The following CNTN1 variants were observed in gnomAD, a reference collection of about 807,000 sequenced individuals.
CNTN1 encodes the protein contactin 1.
Under a neutral mutation model 126.4 loss-of-function variants are expected in CNTN1, and 38 were observed. The observed-to-expected ratio is 0.30, with a 90% CI of 0.23 to 0.39. The LOEUF is 0.39. CNTN1 is among the 10% of genes least tolerant of loss of function. The pLI, the probability that CNTN1 is intolerant of heterozygous loss-of-function variation, is 1.00. For synonymous variants in CNTN1, 413 were observed against 422.6 expected (o/e 0.98, Z 0.28); for missense variants, 1,009 against 1,248.4 (o/e 0.81, Z 2.89).
chr12:41,043,745 A>C (rs2120971987), intron 23 of CNTN1, among the ~76,000 whole-genome samples: 1 of 152,004 alleles, frequency 6.6e-6, no homozygotes, highest in African/African-American at 2.4e-5. Context: ...ACTTGGAACC[A>C]ACCCAAATGT....
At chr12:40,981,129 CA>C (rs1159719064) in intron 16 of CNTN1, 62 bp downstream of exon 16, 2 of 1,566,384 alleles carry the variant, frequency 1.3e-6, no homozygotes, top group Non-Finnish European at 1.7e-6. Context: ...TTCTCAAAAA[CA>C]AAAATTTGGA....
intron 1 of CNTN1, among the ~76,000 whole-genome samples, chr12:40,727,261 G>A (rs1484268723): frequency 1.3e-5 from 2 of 151,650 alleles, no homozygotes; most frequent in Non-Finnish European, 2.9e-5. Context: ...CAAGAGAAAA[G>A]TTTAAAAGTT....
At chr12:40,984,966 A>T (rs1947918172) in intron 16 of CNTN1, among the ~76,000 whole-genome samples, 1 of 152,112 alleles carries the variant, frequency 6.6e-6, no homozygotes, top group East Asian at 1.9e-4. Context: ...TTATAATTAC[A>T]AAATTACCTT....
intron 15 of CNTN1, 129 bp downstream of exon 15, chr12:40,959,363 A>C: frequency 4.2e-6 from 4 of 961,282 alleles, no homozygotes; most frequent in Non-Finnish European, 6.4e-6. Context: ...TTAAGAATGG[A>C]TCTTAAGCTT....
At chr12:41,019,335 T>C (rs1360447051) in intron 19 of CNTN1, among the ~76,000 whole-genome samples, 2 of 152,250 alleles carry the variant, frequency 1.3e-5, no homozygotes, top group Non-Finnish European at 2.9e-5. Context: ...TTGTCATCTA[T>C]TTAGTCATGG....
chr12:40,925,626 C>CGTGTATATATATATATACACAT (rs201095423), intron 6 of CNTN1, among the ~76,000 whole-genome samples: 1 of 104,262 alleles, frequency 9.6e-6, no homozygotes, highest in African/African-American at 3.7e-5. Flanking sequence ...TATATATACA[C>CGTGTATATATATATATACACAT]ATATATATAT....
At chr12:40,923,134 T>A (rs1295744273) in intron 5 of CNTN1, among the ~76,000 whole-genome samples, 1 of 152,012 alleles carries the variant, frequency 6.6e-6, no homozygotes, top group East Asian at 1.9e-4. Flanking sequence ...AATATGACAA[T>A]ATTGTATTCC....
Position 40,790,368 on chromosome 12 carries a change from C to T in CNTN1, c.-77+97776C>T, listed in dbSNP as rs555724287. On this transcript the variant is annotated intron_variant, in intron 1 of 23. Transcript: ENST00000551295. ...CCAACTTGACCCAGTGAGCTGTTAC[C>T]ACCTTTATGATATGATCACTTCATT... Among the ~76,000 whole-genome samples, 14 of 152,190 alleles carry T rather than the reference C, an allele frequency of 9.2e-5. No individual in the cohort carries two copies. The South Asian group carries it at 2.9e-3, about 32-fold the overall frequency.
chr12:40,964,302 ATC>A (rs1300862928), intron 15 of CNTN1, among the ~76,000 whole-genome samples: 1 of 152,192 alleles, frequency 6.6e-6, no homozygotes, highest in Non-Finnish European at 1.5e-5. Context: ...CGACTTTGCT[ATC>A]TAAACTTTTT....
At chr12:40,978,463 G>A (rs1358725872) in intron 15 of CNTN1, among the ~76,000 whole-genome samples, 1 of 151,890 alleles carries the variant, frequency 6.6e-6, no homozygotes, top group Non-Finnish European at 1.5e-5. Context: ...CAAGACAATT[G>A]GAAAAATGAA....
rs575208380 is a variant in CNTN1, at chr12:40,858,114, G to A, written c.-76-50243G>A. On this transcript the variant is annotated intron_variant, in intron 1 of 23. Coordinates refer to ENST00000551295, the MANE Select transcript of CNTN1 (RefSeq NM_001843.4). ...AGTTGTTAGCAGAATTCAGTGCCTT[G>A]TAGTTACAGGACTAAGGTCCTGATT... Among the ~76,000 whole-genome samples, 11 of 152,230 alleles carry A rather than the reference G, an allele frequency of 7.2e-5. No homozygotes were observed. In the East Asian group the frequency reaches 7.7e-4, roughly 11 times the overall value.
Position 40,785,199 on chromosome 12 carries a change from C to T in CNTN1, c.-77+92607C>T, listed in dbSNP as rs188987517. 4.2e-3 allele frequency among the ~76,000 whole-genome samples: 634 copies of T among 152,202 alleles called. 2 individuals carry two copies. The highest frequency in any genetic ancestry group is 7.6e-3 in the Non-Finnish European group (515 of 67,992). ...TCTGTATTGTTCCATTTTTGCATCACTATGAAGAAACACCTACAGATGGGG... is the reference window on the plus strand; with the variant it reads ...TCTGTATTGTTCCATTTTTGCATCATTATGAAGAAACACCTACAGATGGGG... On this transcript the variant is annotated intron_variant, in intron 1 of 23. Coordinates refer to ENST00000551295, the MANE Select transcript of CNTN1 (RefSeq NM_001843.4).
Position 40,933,814 on chromosome 12 carries a change from C to T in CNTN1, c.921C>T (p.Ile307=). ...IFNIQLEDEG[I]YECEAENIRG... ...ATATTCAGCTAGAAGATGAAGGCAT[C>T]TATGAATGTGAGGCTGAGAACATTA... Residue 307 remains isoleucine, a synonymous_variant, in exon 9 of 24, where the codon ATC becomes ATT. Coordinates refer to ENST00000551295, the MANE Select transcript of CNTN1 (RefSeq NM_001843.4). 6.2e-7 allele frequency: 1 copy of T among 1,612,588 alleles called. No individual in the cohort carries two copies. The highest frequency in any genetic ancestry group is 2.2e-5 in the East Asian group (1 of 44,836).
intron 1 of CNTN1, among the ~76,000 whole-genome samples, chr12:40,807,513 C>A (rs923133625): frequency 3.9e-5 from 6 of 152,090 alleles, no homozygotes; most frequent in Non-Finnish European, 7.4e-5. Flanking sequence ...ATTTCTGCTG[C>A]ACCAAAGGCC....
chr12:40,757,721 C>T (rs1938667568), intron 1 of CNTN1, among the ~76,000 whole-genome samples: 1 of 152,088 alleles, frequency 6.6e-6, no homozygotes. Context: ...ATTCTTTGCA[C>T]ATTCTTTTAG....
At chr12:40,728,185 A>G (rs1942405775) in intron 1 of CNTN1, among the ~76,000 whole-genome samples, 1 of 152,236 alleles carries the variant, frequency 6.6e-6, no homozygotes, top group Non-Finnish European at 1.5e-5. Flanking sequence ...TAATGAAAGT[A>G]GTATAAGTAA....
chr12:40,699,167 A>ATAG (rs1454708060), intron 1 of CNTN1, among the ~76,000 whole-genome samples: 1 of 152,184 alleles, frequency 6.6e-6, no homozygotes, highest in Non-Finnish European at 1.5e-5. Flanking sequence ...GTCCTTGAGG[A>ATAG]TAGACACCAT....
At chr12:40,926,349 G>A (rs1414230498) in intron 6 of CNTN1, among the ~76,000 whole-genome samples, 1 of 152,064 alleles carries the variant, frequency 6.6e-6, no homozygotes, top group Non-Finnish European at 1.5e-5. Flanking sequence ...GAGTATCCGA[G>A]AGAAGAGCAT....
intron 1 of CNTN1, among the ~76,000 whole-genome samples, chr12:40,831,036 A>G (rs1178718249): frequency 6.9e-6 from 1 of 144,412 alleles, no homozygotes; most frequent in Non-Finnish European, 1.5e-5. Flanking sequence ...ATATATTTAC[A>G]GTATATATAC....
Sources: gnomAD v4.1 joint callset for allele counts (sites outside exome capture counted in the v4.1 genomes callset) on GRCh38, gnomAD v4.1.1 for gene constraint, MANE v1.5 for transcripts, NCBI Gene and HGNC (gene_info 2026-07-23, HGNC 2026-07-21) for gene names.